KAT6A: variants seen among roughly 807,000 people sequenced by gnomAD.
The protein encoded by KAT6A is histone acetyltransferase KAT6A.
A neutral mutation model predicts 198.4 loss-of-function variants in KAT6A; 9 were observed. The ratio of observed to expected loss-of-function variants is 0.05; its 90% confidence interval spans 0.03 to 0.08. The LOEUF (loss-of-function observed/expected upper bound fraction) is 0.08, where lower values mean the gene tolerates loss of function less well. Among genes scored for constraint, KAT6A ranks in the 10% least tolerant of loss-of-function variants. KAT6A has a pLI of 1.00. For synonymous variants in KAT6A, 890 were observed against 883.0 expected (o/e 1.01, Z -0.14); for missense variants, 2,077 against 2,509.9 (o/e 0.83, Z 3.69).
chr8:42,039,015 T>C (rs1827510067), intron 2 of KAT6A, among the ~76,000 whole-genome samples: 1 of 152,178 alleles, frequency 6.6e-6, no homozygotes, highest in South Asian at 2.1e-4. Flanking sequence ...CAGATACATG[T>C]ACAGGGCTGA....
chr8:41,993,213 C>T (rs1004255444), intron 2 of KAT6A, among the ~76,000 whole-genome samples: 7 of 152,180 alleles, frequency 4.6e-5, no homozygotes, highest in East Asian at 1.9e-4. Context: ...CACAGTGATT[C>T]AGACCAACTG....
intron 12 of KAT6A, 108 bp downstream of exon 12, chr8:41,946,482 AT>A: frequency 3.1e-6 from 1 of 318,884 alleles, no homozygotes; most frequent in East Asian, 4.6e-5. Flanking sequence ...AAATCTTTAA[AT>A]ATATATATAT....
At chr8:41,971,895 G>T (rs762863261) in intron 8 of KAT6A, among the ~76,000 whole-genome samples, 1 of 147,508 alleles carries the variant, frequency 6.8e-6, no homozygotes, top group African/African-American at 2.5e-5. Context: ...AAGTATGACA[G>T]AGAAAAAAAA....
rs1041789772 is a variant in KAT6A at position 41,934,504 on chromosome 8, C to T, written c.3716G>A (p.Gly1239Asp). 1.1e-5 allele frequency: 17 copies of T among 1,612,932 alleles called. 1 individual carries two copies. In the Middle Eastern group the frequency reaches 6.6e-4, roughly 63 times the overall value. ...MQAEAEEAEE[G>D]EEEDAASSEV... Reference sequence around the variant, plus strand: ...ACTGCTGGCTGCATCCTCTTCCTCACCCTCTTCAGCCTCTTCTGCCTCTGC... The same window carrying T: ...ACTGCTGGCTGCATCCTCTTCCTCATCCTCTTCAGCCTCTTCTGCCTCTGC... Residue 1239 changes from glycine (G) to aspartate (D), a missense_variant, in exon 17 of 17, where the codon GGT (glycine) becomes GAT (aspartate). By Grantham distance (94) the Gly-to-Asp change is moderately conservative. Transcript: ENST00000265713.
chr8:42,026,257 C>T (rs1826806798), intron 2 of KAT6A, among the ~76,000 whole-genome samples: 1 of 152,074 alleles, frequency 6.6e-6, no homozygotes, highest in Non-Finnish European at 1.5e-5. Context: ...TACTCAGGGT[C>T]TTTTGTGGTT....
chr8:42,023,540 T>A (rs1215127593), intron 2 of KAT6A, among the ~76,000 whole-genome samples: 1 of 151,690 alleles, frequency 6.6e-6, no homozygotes, highest in Non-Finnish European at 1.5e-5. Flanking sequence ...CAGGCTGGAG[T>A]GCAGTGGCAT....
Position 41,977,159 on chromosome 8 carries a change from C to T in KAT6A, c.1212G>A (p.Lys404=). The T allele has an allele frequency of 6.2e-7, 1 of 1,614,128 alleles. No homozygotes were observed. The highest frequency in any genetic ancestry group is 8.5e-7 in the Non-Finnish European group (1 of 1,180,020). Reference sequence around the variant, plus strand: ...GGCCATCAATGAGCCCTTTGGTTTTCTTGTTGAACTTCAAGGAGACATTGC... The same window carrying T: ...GGCCATCAATGAGCCCTTTGGTTTTTTTGTTGAACTTCAAGGAGACATTGC... The part of the protein sequence containing the change: ...RDSNVSLKFN[K]KTKGLIDGLT... Residue 404 remains lysine, a synonymous_variant, in exon 7 of 17, where the codon AAG becomes AAA. Transcript: ENST00000265713.
chr8:41,971,488 T>C (rs377477927), intron 8 of KAT6A, among the ~76,000 whole-genome samples: 1 of 152,052 alleles, frequency 6.6e-6, no homozygotes, highest in Non-Finnish European at 1.5e-5. Context: ...AAGGCAGGCA[T>C]GCTTGGTGTG....
At chr8:41,987,986 TA>T (rs1436026216) in intron 2 of KAT6A, among the ~76,000 whole-genome samples, 1 of 152,136 alleles carries the variant, frequency 6.6e-6, no homozygotes, top group African/African-American at 2.4e-5. Flanking sequence ...CAGAAGACAT[TA>T]AGTGAGAGAA....
chr8:41,978,695 G>T lies in KAT6A; in HGVS notation c.990C>A (p.Arg330=). The change falls in exon 6 of 17, where the codon CGC becomes CGA. Residue 330 remains arginine (R), a synonymous_variant. Transcript: ENST00000265713. ...LQKKAAQIKR[R]YTNPIGRPKN... ...TTGGACGTCCTATTGGATTAGTATAGCGCCGTTTTATCTGTGCTGCCTTCT... is the reference window on the plus strand; with the variant it reads ...TTGGACGTCCTATTGGATTAGTATATCGCCGTTTTATCTGTGCTGCCTTCT... The T allele has an allele frequency of 6.2e-7, 1 of 1,613,998 alleles. No individual in the cohort carries two copies. The highest frequency in any genetic ancestry group is 8.5e-7 in the Non-Finnish European group (1 of 1,179,968).
rs1475008472 is a variant in KAT6A, at chr8:41,974,833, A to G, written c.1364-11T>C. ...AGCCATCCTGATTGTCTACATATAA[A>G]AAAAGAGCTCACATGTTAACTGTCC... On this transcript the variant is annotated splice_polypyrimidine_tract_variant and intron_variant, in intron 7 of 16. Coordinates refer to ENST00000265713, the MANE Select transcript of KAT6A (RefSeq NM_006766.5). 77 of 1,558,282 alleles carry G rather than the reference A, an allele frequency of 4.9e-5. 1 individual carries two copies. The Admixed American group carries it at 1.3e-3, about 26-fold the overall frequency.
intron 2 of KAT6A, among the ~76,000 whole-genome samples, chr8:42,029,165 G>A (rs1480579173): frequency 6.6e-6 from 1 of 151,948 alleles, no homozygotes; most frequent in Non-Finnish European, 1.5e-5. Context: ...AGTCTGATGG[G>A]GCTTCCCTTA....
intron 2 of KAT6A, among the ~76,000 whole-genome samples, chr8:42,045,917 G>T (rs1353303457): frequency 1.3e-5 from 2 of 151,834 alleles, no homozygotes; most frequent in Non-Finnish European, 2.9e-5. Flanking sequence ...CCCGGGAGGC[G>T]AAGGTTGCAG....
intron 2 of KAT6A, 109 bp from the exon 3 acceptor site, chr8:41,987,672 T>C (rs540091437): frequency 3.3e-5 from 24 of 727,526 alleles, no homozygotes; most frequent in African/African-American, 7.1e-5. Context: ...TTTAGGACAA[T>C]TGTATTACTC....
intron 2 of KAT6A, among the ~76,000 whole-genome samples, chr8:42,016,928 C>T (rs764589186): frequency 1.3e-5 from 2 of 152,068 alleles, no homozygotes; most frequent in Non-Finnish European, 2.9e-5. Flanking sequence ...ACTACATACA[C>T]TTTTATTTTC....
rs747389157 is a variant in KAT6A, at chr8:41,940,967, G to T, written c.2914C>A (p.Arg972Ser). The change falls in exon 15 of 17, where the codon CGC becomes AGC. Residue 972 changes from arginine (R) to serine (S), a missense_variant. This residue lies in a region of KAT6A where 301 missense variants were observed against 272.2 expected (regional missense o/e 1.11). Transcript: ENST00000265713. ...ACAGCCCTGTCACCCTCACTGTAGC[G>T]ACGGGGCAGCCTCTCACTTCCTTCT... is the stretch of plus-strand genomic sequence containing the variant. ...LTEGSERLPRRYSEGDRAVLR... is the reference protein window; with the variant it reads ...LTEGSERLPRSYSEGDRAVLR... 15 of 1,614,034 alleles carry T rather than the reference G, an allele frequency of 9.3e-6. No individual in the cohort carries two copies. Among genetic ancestry groups the T allele is most frequent in the Non-Finnish European group, 1.3e-5 (15 of 1,180,030 alleles).
At chr8:41,936,220 C>T (rs1366741657) in intron 16 of KAT6A, among the ~76,000 whole-genome samples, 1 of 152,052 alleles carries the variant, frequency 6.6e-6, no homozygotes, top group African/African-American at 2.4e-5. Flanking sequence ...GAGACTGTGC[C>T]ACTGCACTCC....
chr8:42,014,907 A>C (rs1472804518), intron 2 of KAT6A, among the ~76,000 whole-genome samples: 1 of 152,174 alleles, frequency 6.6e-6, no homozygotes, highest in Non-Finnish European at 1.5e-5. Context: ...GCAGTTATTA[A>C]ATGTAGTTAC....
At position 41,930,728 on chromosome 8, in the gene KAT6A, A is replaced by ATATATATATTTT. The variant is rs1390353664; in HGVS notation, c.*1476_*1477insAAAATATATATA. ...TGTGTGTGTATATATATATATATATATTTTTTTTTTTTTTTTTTTTTTTTT... is the reference window on the plus strand; with the variant it reads ...TGTGTGTGTATATATATATATATATATATATATATTTTTTTTTTTTTTTTTTTTTTTTTTTTT... On this transcript the variant is annotated 3_prime_UTR_variant, in exon 17 of 17. Transcript: ENST00000265713. 3.0e-5 allele frequency: 2 copies of ATATATATATTTT among 67,580 alleles called. No homozygotes were observed. The highest frequency in any genetic ancestry group is 5.6e-5 in the African/African-American group (1 of 17,726). 4.2% of individuals were successfully genotyped at this position (67,580 alleles called of 1,614,324 possible).
Sources: gnomAD v4.1 joint callset for allele counts (sites outside exome capture counted in the v4.1 genomes callset) on GRCh38, gnomAD v4.1.1 for gene constraint, gnomAD v4.1.1 regional missense constraint, MANE v1.5 for transcripts, NCBI Gene and HGNC (gene_info 2026-07-23, HGNC 2026-07-21) for gene names.